Variants in MARK4 observed in about 807,000 individuals in gnomAD.
The protein encoded by MARK4 is MAP/microtubule affinity-regulating kinase 4.
Under a neutral mutation model 81.5 loss-of-function variants are expected in MARK4, and 19 were observed. The observed-to-expected ratio is 0.23, with a 90% CI of 0.16 to 0.34. The LOEUF (loss-of-function observed/expected upper bound fraction) is 0.34. MARK4 is among the 10% of genes least tolerant of loss of function. The probability of loss-of-function intolerance (pLI) is 1.00; values close to 1 mark genes in which losing one functional copy is unlikely to be tolerated. For missense variants in MARK4, 772 were observed against 1,058.8 expected, an observed-to-expected ratio of 0.73 and a Z score of 3.76; for synonymous variants, 436 against 439.0, an observed-to-expected ratio of 0.99 and a Z score of 0.08.
rs959158912 is a variant in MARK4, at chr19:45,304,961, C to CT, written c.*2254dup. 4 of 152,338 alleles carry CT rather than the reference C, an allele frequency of 2.6e-5. No homozygotes were observed. Among genetic ancestry groups the CT allele is most frequent in the African/African-American group, 9.7e-5 (4 of 41,366 alleles). The allele number at this position is 152,338 out of a possible 1,614,324, so 9.4% of individuals were successfully genotyped here. On this transcript the variant is annotated 3_prime_UTR_variant, in exon 17 of 17. Transcript: ENST00000262891. ...TGAAGGTTATGGACAGGGGCCTGGG[C>CT]TTTCTTCCAAGGGCACTGGGGGAGC... is the stretch of plus-strand genomic sequence containing the variant.
At chr19:45,278,190 G>T in intron 9 of MARK4, 148 bp downstream of exon 9, 1 of 1,185,702 alleles carries the variant, frequency 8.4e-7, no homozygotes, top group South Asian at 1.5e-5. Context: ...GGGGTAGACA[G>T]GCCGTCCAGG....
At chr19:45,301,962 C>T (rs972519229) in intron 16 of MARK4, among the ~76,000 whole-genome samples, 4 of 152,154 alleles carry the variant, frequency 2.6e-5, no homozygotes, top group Admixed American at 6.6e-5. Context: ...GTGATCTATG[C>T]GGTCATTCAG....
chr19:45,294,087 CT>C (rs749837556), intron 13 of MARK4, among the ~76,000 whole-genome samples: 17 of 152,224 alleles, frequency 1.1e-4, no homozygotes, highest in African/African-American at 3.9e-4. Flanking sequence ...AGGATGCCCC[CT>C]GGAAACCTTC....
intron 4 of MARK4, among the ~76,000 whole-genome samples, chr19:45,263,928 T>C (rs140445491): frequency 2.6e-5 from 4 of 152,052 alleles, no homozygotes; most frequent in Admixed American, 6.6e-5. Flanking sequence ...AAATGCTTAG[T>C]TTGGGCTGAG....
intron 1 of MARK4, among the ~76,000 whole-genome samples, chr19:45,251,942 C>G (rs1330658985): frequency 1.3e-5 from 2 of 151,860 alleles, no homozygotes; most frequent in East Asian, 3.9e-4. Flanking sequence ...CCTCCCTTCT[C>G]TTGCCTGTGC....
rs926860553 is a variant in MARK4 at position 45,297,702 on chromosome 19, C to T, written c.1625C>T (p.Ala542Val). 53 of 1,536,722 alleles carry T rather than the reference C, an allele frequency of 3.4e-5. No homozygotes were observed. The Admixed American group carries it at 1.1e-3, about 31-fold the overall frequency. ...TCAGGCACCCCACGGGTGCCCCCTG[C>T]CTCCCCCTCCAGTCACAGCCTGGCA... ...NSSGTPRVPPASPSSHSLAPP... is the reference protein window; with the variant it reads ...NSSGTPRVPPVSPSSHSLAPP... Residue 542 changes from alanine to valine, a missense_variant, in exon 15 of 17, where the codon GCC (alanine) becomes GTC (valine). By Grantham distance (64) the Ala-to-Val change is moderately conservative (BLOSUM62 0). This residue lies in a region of MARK4 where 548 missense variants were observed against 624.3 expected (regional missense o/e 0.88). Coordinates refer to ENST00000262891, the MANE Select transcript of MARK4 (RefSeq NM_001199867.2).
chr19:45,294,461 G>A lies in MARK4; in HGVS notation c.1598+9G>A, dbSNP rs368712755. 2 of 1,612,918 alleles carry A rather than the reference G, an allele frequency of 1.2e-6. No individual in the cohort carries two copies. Among genetic ancestry groups the A allele is most frequent in the Non-Finnish European group, 1.7e-6 (2 of 1,179,200 alleles). The stretch of plus-strand genomic sequence containing the variant: ...AATGGGAAAGAAAACAGGTACGGAG[G>A]GGGCAGCAACAGGGTGAGGGGTGGG... On this transcript the variant is annotated intron_variant, in intron 14 of 16. Transcript: ENST00000262891.
chr19:45,251,615 G>T lies in MARK4; in HGVS notation c.27G>T (p.Pro9=), dbSNP rs750495630. The change falls in exon 1 of 17, where the codon CCG becomes CCT. Residue 9 remains proline (P), a synonymous_variant. Transcript: ENST00000262891. The part of the protein sequence containing the change: MSSRTVLA[P]GNDRNSDTHG... ...TGTCTTCGCGGACGGTGCTGGCCCC[G>T]GGCAACGATCGGAACTCGGACACGG... 2 of 1,255,234 alleles carry T rather than the reference G, an allele frequency of 1.6e-6. No individual in the cohort carries two copies. The highest frequency in any genetic ancestry group is 7.3e-5 in the East Asian group (1 of 13,688). The allele number at this position is 1,255,234 out of a possible 1,614,324, so 77.8% of individuals were successfully genotyped here.
At chr19:45,300,344 GAA>G (rs745730201) in intron 16 of MARK4, among the ~76,000 whole-genome samples, 3 of 32,334 alleles carry the variant, frequency 9.3e-5, no homozygotes, top group Non-Finnish European at 1.1e-4. Context: ...AACTCCGTCT[GAA>G]AAAAAAAAAA....
At position 45,271,736 on chromosome 19, in the gene MARK4, A is replaced by T; in HGVS notation, c.786+28A>T. ...ACCGAGAGGGGCTGGGTGCAGGGGC[A>T]TCAGCCCCTCCCCACAGTCAGGCCC... is the stretch of plus-strand genomic sequence containing the variant. On this transcript the variant is annotated intron_variant, in intron 8 of 16. Transcript: ENST00000262891. This position sits in a 1 kb window ranked among gnomAD's most constrained non-coding sequence, Gnocchi z 4.1. 1 of 1,588,064 alleles carries T rather than the reference A, an allele frequency of 6.3e-7. No homozygotes were observed. The highest frequency in any genetic ancestry group is 8.6e-7 in the Non-Finnish European group (1 of 1,158,892).
At chr19:45,295,804 A>G (rs548445598) in intron 14 of MARK4, among the ~76,000 whole-genome samples, 2 of 152,288 alleles carry the variant, frequency 1.3e-5, no homozygotes, top group South Asian at 2.1e-4. Context: ...GATGCTGTCC[A>G]CTTCCAGGCC....
At chr19:45,298,071 C>T in intron 15 of MARK4, 117 bp downstream of exon 15, 2 of 1,554,260 alleles carry the variant, frequency 1.3e-6, no homozygotes, top group African/African-American at 1.4e-5. Flanking sequence ...CCTCCTCCTC[C>T]TCCTCGTTTC....
chr19:45,264,759 C>T lies in MARK4; in HGVS notation c.421+10C>T. ...GAGTACGCAAGTGCTGGTGAGCCGC[C>T]CACCCTCTCCGCCCTGCCCCTGTGC... On this transcript the variant is annotated intron_variant, in intron 5 of 16. Transcript: ENST00000262891. 6.2e-7 allele frequency: 1 copy of T among 1,614,042 alleles called. No individual in the cohort carries two copies. The highest frequency in any genetic ancestry group is 1.1e-5 in the South Asian group (1 of 91,086).
chr19:45,291,587 C>T (rs1212920569), intron 13 of MARK4, among the ~76,000 whole-genome samples: 3 of 152,112 alleles, frequency 2.0e-5, no homozygotes, highest in Non-Finnish European at 4.4e-5. Flanking sequence ...TCGAGACCAT[C>T]CTGGCTAACA....
intron 13 of MARK4, among the ~76,000 whole-genome samples, chr19:45,288,853 A>AAC (rs1970784127): frequency 6.7e-6 from 1 of 150,114 alleles, no homozygotes; most frequent in Non-Finnish European, 1.5e-5. Context: ...CTGTCTCAAA[A>AAC]AAAAAAAAAA....
intron 11 of MARK4, 41 bp from the exon 12 acceptor site, chr19:45,280,534 A>G (rs1484690180): frequency 1.2e-6 from 2 of 1,613,834 alleles, no homozygotes; most frequent in Non-Finnish European, 1.7e-6. Context: ...GGGTGGAGGG[A>G]CTTGGGGTGC....
chr19:45,277,823 TTGTGTGTGTGTGTGTGTGTGTGTG>T lies in MARK4; in HGVS notation c.787-76_787-53del, dbSNP rs58592372. ...TCTATCAAAGGGGTTGGGACAAAGG[TTGTGTGTGTGTGTGTGTGTGTGTG>T]TGTGTGTGTGTGTGTGTGTGTGTAA... is the stretch of plus-strand genomic sequence containing the variant. On this transcript the variant is annotated intron_variant, in intron 8 of 16. Coordinates refer to ENST00000262891, the MANE Select transcript of MARK4 (RefSeq NM_001199867.2). 1.6e-4 allele frequency: 119 copies of T among 735,632 alleles called. 1 individual carries two copies. The African/African-American group carries it at 2.1e-3, about 13-fold the overall frequency. 45.6% of individuals were successfully genotyped at this position (735,632 alleles called of 1,614,324 possible). A position where few individuals can be genotyped will look rare whatever the true frequency, so the allele number is the denominator to read the frequency against.
chr19:45,264,180 A>C (rs111892835), intron 4 of MARK4, among the ~76,000 whole-genome samples: 1 of 152,090 alleles, frequency 6.6e-6, no homozygotes, highest in African/African-American at 2.4e-5. Flanking sequence ...CTCTGGCCTC[A>C]TGGAGCTGAC....
chr19:45,266,877 C>T (rs1970461414), intron 7 of MARK4, among the ~76,000 whole-genome samples: 1 of 151,332 alleles, frequency 6.6e-6, no homozygotes, highest in African/African-American at 2.4e-5. Flanking sequence ...GGACTACAGG[C>T]GCCCGCCACC....
Sources: gnomAD v4.1 joint callset for allele counts (sites outside exome capture counted in the v4.1 genomes callset) on GRCh38, gnomAD v4.1.1 for gene constraint, gnomAD v4.1.1 regional missense constraint, Gnocchi (gnomAD v3.1) non-coding constraint, MANE v1.5 for transcripts, NCBI Gene and HGNC (gene_info 2026-07-23, HGNC 2026-07-21) for gene names.